Variants in SDC2 observed in about 807,000 individuals in gnomAD.
SDC2 encodes the protein syndecan-2.
SDC2 carries 13 observed loss-of-function variants against 22.2 expected under a neutral mutation model. The observed-to-expected ratio is 0.59, with a 90% CI of 0.38 to 0.93. SDC2 has a LOEUF of 0.93. Ranked by LOEUF, SDC2 falls within the 40% of genes least tolerant of loss-of-function variation. The pLI, the probability that SDC2 is intolerant of heterozygous loss-of-function variation, is 0.00. For missense variants in SDC2, 235 were observed against 246.8 expected (o/e 0.95, Z 0.32); for synonymous variants, 94 against 92.8 (o/e 1.01, Z -0.07).
intron 1 of SDC2, among the ~76,000 whole-genome samples, chr8:96,563,272 C>T (rs1269482834): frequency 1.3e-5 from 2 of 152,148 alleles, no homozygotes; most frequent in Non-Finnish European, 1.5e-5. Context: ...GCCTTACTTC[C>T]TGCCTCCAAA....
intron 1 of SDC2, among the ~76,000 whole-genome samples, chr8:96,561,788 G>T (rs1814214388): frequency 6.6e-6 from 1 of 152,196 alleles, no homozygotes; most frequent in Non-Finnish European, 1.5e-5. Flanking sequence ...CTGGAAAGGG[G>T]AGAAAAGAAA....
intron 1 of SDC2, among the ~76,000 whole-genome samples, chr8:96,540,328 C>T (rs1813824726): frequency 1.8e-5 from 1 of 56,500 alleles, no homozygotes; most frequent in Non-Finnish European, 5.4e-5. Context: ...CCTGTCTCTA[C>T]TATATATATG....
At chr8:96,583,889 C>T (rs990043221) in intron 1 of SDC2, among the ~76,000 whole-genome samples, 3 of 151,494 alleles carry the variant, frequency 2.0e-5, no homozygotes, top group Non-Finnish European at 4.4e-5. Flanking sequence ...ATTTACCAGA[C>T]ATAGTACACC....
intron 1 of SDC2, among the ~76,000 whole-genome samples, chr8:96,559,170 G>T (rs1357609278): frequency 6.6e-6 from 1 of 152,152 alleles, no homozygotes; most frequent in Admixed American, 6.5e-5. Flanking sequence ...TGACACAAGG[G>T]CCGATGGTGG....
At chr8:96,532,223 T>A (rs987507851) in intron 1 of SDC2, among the ~76,000 whole-genome samples, 1 of 152,070 alleles carries the variant, frequency 6.6e-6, no homozygotes, top group Non-Finnish European at 1.5e-5. Context: ...TCACCATTAT[T>A]AGTAATAGCT....
chr8:96,584,647 C>G (rs1814651101), intron 1 of SDC2, among the ~76,000 whole-genome samples: 1 of 152,198 alleles, frequency 6.6e-6, no homozygotes, highest in Non-Finnish European at 1.5e-5. Flanking sequence ...GCTCACACAG[C>G]TTCTGTTTTT....
At chr8:96,541,078 CA>C (rs934006077) in intron 1 of SDC2, among the ~76,000 whole-genome samples, 2 of 151,774 alleles carry the variant, frequency 1.3e-5, no homozygotes, top group Admixed American at 6.6e-5. Context: ...TATAGATAAA[CA>C]AAAATATTTT....
intron 1 of SDC2, among the ~76,000 whole-genome samples, chr8:96,581,198 A>C (rs1016094522): frequency 3.3e-5 from 5 of 152,210 alleles, no homozygotes; most frequent in African/African-American, 9.6e-5. Context: ...AAAAAATAAT[A>C]ATATGTGTTC....
At chr8:96,503,529 A>G (rs1344020460) in intron 1 of SDC2, among the ~76,000 whole-genome samples, 1 of 152,106 alleles carries the variant, frequency 6.6e-6, no homozygotes, top group African/African-American at 2.4e-5. Flanking sequence ...GTGTAGATAC[A>G]CATACACAAA....
intron 1 of SDC2, among the ~76,000 whole-genome samples, chr8:96,573,844 A>C (rs946301830): frequency 2.7e-4 from 41 of 152,128 alleles, no homozygotes; most frequent in Admixed American, 2.3e-3. Flanking sequence ...TAAATCTCCT[A>C]GTTTTTCACC....
intron 1 of SDC2, among the ~76,000 whole-genome samples, chr8:96,532,566 G>T (rs1007405338): frequency 3.3e-5 from 5 of 151,812 alleles, no homozygotes; most frequent in African/African-American, 4.8e-5. Context: ...AGAAGGGAGG[G>T]GTAAAGATTC....
chr8:96,557,654 C>T (rs985156656), intron 1 of SDC2, among the ~76,000 whole-genome samples: 1 of 151,996 alleles, frequency 6.6e-6, no homozygotes, highest in Non-Finnish European at 1.5e-5. Context: ...AGGGTTAGCA[C>T]TGGGAGATAT....
chr8:96,498,434 G>A (rs1287203080), intron 1 of SDC2, among the ~76,000 whole-genome samples: 3 of 151,942 alleles, frequency 2.0e-5, no homozygotes, highest in Admixed American at 6.6e-5. Flanking sequence ...AAAGAAGTCG[G>A]GGTTTGGAAA....
intron 1 of SDC2, among the ~76,000 whole-genome samples, chr8:96,561,035 C>T (rs113704136): frequency 0.014 from 2,067 of 152,208 alleles, 45 homozygotes; most frequent in African/African-American, 0.048. Context: ...ACCCAGGAGG[C>T]GGAGGTTGCA....
chr8:96,553,330 G>A (rs1814056495), intron 1 of SDC2, among the ~76,000 whole-genome samples: 1 of 151,712 alleles, frequency 6.6e-6, no homozygotes, highest in Admixed American at 6.6e-5. Context: ...CATTCTTATT[G>A]GATTTTAATA....
chr8:96,527,345 G>A (rs1813593756), intron 1 of SDC2, among the ~76,000 whole-genome samples: 1 of 152,142 alleles, frequency 6.6e-6, no homozygotes, highest in South Asian at 2.1e-4. Flanking sequence ...CACTGCTCTT[G>A]TAAGACAGAC....
At chr8:96,533,492 A>T (rs1161483123) in intron 1 of SDC2, among the ~76,000 whole-genome samples, 1 of 152,194 alleles carries the variant, frequency 6.6e-6, no homozygotes, top group African/African-American at 2.4e-5. Context: ...TGAGCTAGAC[A>T]CAGGGTGCTG....
Position 96,563,059 on chromosome 8 carries a change from C to T in SDC2, c.61-30421C>T, listed in dbSNP as rs189900142. ...AATTACTGTTCCATTGTTACAGCTA[C>T]CTGAAAGACATTTTCCCTTGACACA... On this transcript the variant is annotated intron_variant, in intron 1 of 4. Coordinates refer to ENST00000302190, the MANE Select transcript of SDC2 (RefSeq NM_002998.4). 2.0e-4 allele frequency among the ~76,000 whole-genome samples: 31 copies of T among 152,314 alleles called. No homozygotes were observed. The East Asian group carries it at 5.6e-3, about 27-fold the overall frequency.
At chr8:96,540,219 C>G (rs1813823163) in intron 1 of SDC2, among the ~76,000 whole-genome samples, 1 of 151,380 alleles carries the variant, frequency 6.6e-6, no homozygotes, top group Non-Finnish European at 1.5e-5. Flanking sequence ...CAGAATTGCA[C>G]AGGAGGCCAG....
Sources: gnomAD v4.1 joint callset for allele counts (sites outside exome capture counted in the v4.1 genomes callset) on GRCh38, gnomAD v4.1.1 for gene constraint, MANE v1.5 for transcripts, NCBI Gene and HGNC (gene_info 2026-07-23, HGNC 2026-07-21) for gene names.